The following UNC45A variants were observed in gnomAD, a reference collection of about 807,000 sequenced individuals.
UNC45A encodes unc-45 myosin chaperone A.
UNC45A carries 78 observed loss-of-function variants against 103.2 expected under a neutral mutation model. The observed-to-expected ratio is 0.76, with a 90% CI of 0.63 to 0.91. UNC45A has a LOEUF of 0.91. Among genes scored for constraint, UNC45A ranks in the 40% least tolerant of loss-of-function variants. The pLI is 0.00. For missense variants in UNC45A, 1,193 were observed against 1,224.8 expected (o/e 0.97, Z 0.39); for synonymous variants, 495 against 504.6 (o/e 0.98, Z 0.25).
At chr15:90,931,178 A>G, upstream of UNC45A, 1 of 1,421,794 alleles carries the variant, frequency 7.0e-7, no homozygotes, top group African/African-American at 1.4e-5. Context: ...TCTGGGAAGG[A>G]TGGAGGGAGC....
intron 4 of UNC45A, among the ~76,000 whole-genome samples, chr15:90,938,981 A>ATTTATTTATTTT (rs1279071062): frequency 6.8e-6 from 1 of 147,384 alleles, no homozygotes; most frequent in Admixed American, 6.8e-5. Flanking sequence ...TTCAGATTTT[A>ATTTATTTATTTT]TTTATTTATT....
At chr15:90,936,113 C>T in intron 3 of UNC45A, 131 bp downstream of exon 3, 2 of 1,522,506 alleles carry the variant, frequency 1.3e-6, no homozygotes, top group Admixed American at 2.3e-5. Flanking sequence ...TTTCCCACTG[C>T]CTCGGGCCTT....
At chr15:90,942,709 G>T in intron 7 of UNC45A, 104 bp downstream of exon 7, 2 of 1,574,892 alleles carry the variant, frequency 1.3e-6, no homozygotes, top group East Asian at 4.5e-5. Context: ...GCAGCTGCAG[G>T]TTGTTTGGAA....
chr15:90,931,582 G>T, upstream of UNC45A: 1 of 1,614,116 alleles, frequency 6.2e-7, no homozygotes, highest in Non-Finnish European at 8.5e-7. Flanking sequence ...TCAAAGAGTG[G>T]TCCAGTAGGA....
At chr15:90,941,598 AAGTGGAAGCAGTC>A (rs2036290012) in intron 6 of UNC45A, among the ~76,000 whole-genome samples, 1 of 152,174 alleles carries the variant, frequency 6.6e-6, no homozygotes, top group Non-Finnish European at 1.5e-5. Flanking sequence ...CTTAGCTGCT[AAGTGGAAGCAGTC>A]AGGATTTGGG....
chr15:90,946,578 G>C (rs750655091), intron 9 of UNC45A, 36 bp from the exon 10 acceptor site: 1 of 1,556,894 alleles, frequency 6.4e-7, no homozygotes, highest in Non-Finnish European at 8.7e-7. Context: ...CTTTATGTTG[G>C]CCTTGGTGTG....
At chr15:90,943,685 C>T (rs1342672182) in intron 8 of UNC45A, among the ~76,000 whole-genome samples, 1 of 151,586 alleles carries the variant, frequency 6.6e-6, no homozygotes, top group Non-Finnish European at 1.5e-5. Flanking sequence ...GCTGGATTAG[C>T]TTTCTGTATT....
intron 4 of UNC45A, among the ~76,000 whole-genome samples, chr15:90,939,131 C>T (rs1305452163): frequency 6.6e-6 from 1 of 151,914 alleles, no homozygotes; most frequent in South Asian, 2.1e-4. Flanking sequence ...CGGCATCTGC[C>T]ACCACGCCCG....
At chr15:90,931,168 T>A, upstream of UNC45A, 1 of 1,366,336 alleles carries the variant, frequency 7.3e-7, no homozygotes, top group South Asian at 1.4e-5. Context: ...GCCTCTAATA[T>A]CTGGGAAGGA....
chr15:90,938,758 A>G (rs577013709), intron 4 of UNC45A, among the ~76,000 whole-genome samples: 22 of 151,790 alleles, frequency 1.4e-4, no homozygotes, highest in African/African-American at 5.1e-4. Flanking sequence ...TGCAACCTCC[A>G]CCTCCCAGAT....
intron 4 of UNC45A, among the ~76,000 whole-genome samples, chr15:90,937,834 A>G (rs1002695283): frequency 6.6e-6 from 1 of 151,632 alleles, no homozygotes; most frequent in African/African-American, 2.4e-5. Flanking sequence ...TTATTTATGT[A>G]TTTTGAGACG....
rs373729962 is a variant in UNC45A at position 90,936,240 on chromosome 15, G to A, written c.251-45G>A. Reference sequence around the variant, plus strand: ...TCTTTCCCTACTGCTCTTGCCTGGAGACAGTGGCCTCATGGGTGCTGACAG... The same window carrying A: ...TCTTTCCCTACTGCTCTTGCCTGGAAACAGTGGCCTCATGGGTGCTGACAG... On this transcript the variant is annotated intron_variant, in intron 3 of 19. Coordinates refer to ENST00000418476, the MANE Select transcript of UNC45A (RefSeq NM_018671.5). 281 of 1,581,108 alleles carry A rather than the reference G, an allele frequency of 1.8e-4. 1 individual carries two copies. The highest frequency in any genetic ancestry group is 2.2e-4 in the Non-Finnish European group (256 of 1,163,838).
Position 90,953,643 on chromosome 15 carries a change from C to T in UNC45A, c.2762C>T (p.Thr921Ile). ...GCTAAGGGTGACCACAGCCCTGTCA[C>T]AAGGGCTGCTGCAGCCTGCCTGGAC... ...VLAKGDHSPV[T>I]RAAAACLDKA... Residue 921 changes from threonine to isoleucine, a missense_variant, in exon 20 of 20, where the codon ACA becomes ATA. Physicochemically the swap from Thr to Ile is moderately conservative, Grantham distance 89. Coordinates refer to ENST00000418476, the MANE Select transcript of UNC45A (RefSeq NM_018671.5). 6.2e-7 allele frequency: 1 copy of T among 1,614,164 alleles called. No homozygotes were observed. The highest frequency in any genetic ancestry group is 1.1e-5 in the South Asian group (1 of 91,086).
At chr15:90,942,415 C>T (rs760798166) in intron 6 of UNC45A, 22 bp from the exon 7 acceptor site, 1 of 1,584,358 alleles carries the variant, frequency 6.3e-7, no homozygotes, top group Non-Finnish European at 8.6e-7. Context: ...AAGCTTCCTT[C>T]TGTTTACCTC....
At chr15:90,948,934 T>C (rs1244397612) in intron 13 of UNC45A, 140 bp downstream of exon 13, 4 of 1,109,488 alleles carry the variant, frequency 3.6e-6, no homozygotes, top group Non-Finnish European at 4.9e-6. Context: ...TGGAGTGCAG[T>C]GATGCGATCT....
At chr15:90,932,375 C>T, upstream of UNC45A, 1 of 1,144,542 alleles carries the variant, frequency 8.7e-7, no homozygotes, top group South Asian at 2.1e-5. Flanking sequence ...CGTTTCCTTC[C>T]CAGTCCCCAC....
chr15:90,945,974 G>A (rs1393010719), intron 9 of UNC45A, among the ~76,000 whole-genome samples: 14 of 151,722 alleles, frequency 9.2e-5, no homozygotes, highest in Admixed American at 1.3e-4. Context: ...TATAGGCCAG[G>A]TGTGGTGGCT....
chr15:90,943,039 C>T lies in UNC45A; in HGVS notation c.984C>T (p.Leu328=). The change falls in exon 8 of 20, where the codon CTC becomes CTT. Residue 328 remains leucine (L), a synonymous_variant. Transcript: ENST00000418476. ...LLIKAVPRKS[L]KDPNNSLTLW... is the part of the protein sequence containing the mutation. Reference sequence around the variant, plus strand: ...TTAAAGCGGTGCCCCGGAAGTCTCTCAAGGACCCCAACAACAGCCTCACCC... The same window carrying T: ...TTAAAGCGGTGCCCCGGAAGTCTCTTAAGGACCCCAACAACAGCCTCACCC... 1 of 1,614,108 alleles carries T rather than the reference C, an allele frequency of 6.2e-7. No individual in the cohort carries two copies. Among genetic ancestry groups the T allele is most frequent in the South Asian group, 1.1e-5 (1 of 91,076 alleles).
chr15:90,935,894 T>A, intron 2 of UNC45A, 52 bp from the exon 3 acceptor site: 1 of 1,612,738 alleles, frequency 6.2e-7, no homozygotes, highest in Non-Finnish European at 8.5e-7. Context: ...GCCTGGTTAG[T>A]GCCCCGAGAG....
Sources: allele counts gnomAD v4.1 joint callset (sites outside exome capture counted in the v4.1 genomes callset), GRCh38; gene constraint gnomAD v4.1.1; transcripts MANE v1.5; gene names NCBI Gene and HGNC (gene_info 2026-07-23, HGNC 2026-07-21).